The following ANKS1B variants were observed in gnomAD, a reference collection of about 807,000 sequenced individuals.
ANKS1B encodes ankyrin repeat and sterile alpha motif domain-containing protein 1B.
ANKS1B carries 36 observed loss-of-function variants against 148.3 expected under a neutral mutation model. The ratio of observed to expected loss-of-function variants is 0.24; its 90% CI spans 0.19 to 0.32. ANKS1B has a LOEUF of 0.32. Ranked by LOEUF, ANKS1B falls within the 10% of genes least tolerant of loss-of-function variation. The pLI is 1.00. For missense variants in ANKS1B, 1,157 were observed against 1,542.6 expected, an observed-to-expected ratio of 0.75 and a Z score of 4.19; for synonymous variants, 542 against 560.8, an observed-to-expected ratio of 0.97 and a Z score of 0.47.
intron 17 of ANKS1B, among the ~76,000 whole-genome samples, chr12:98,987,307 A>C (rs1034404888): frequency 6.6e-6 from 1 of 151,986 alleles, no homozygotes; most frequent in African/African-American, 2.4e-5. Context: ...TAAAATTTTA[A>C]CTTCCTTAAA....
intron 1 of ANKS1B, among the ~76,000 whole-genome samples, chr12:99,832,219 T>C (rs1390067630): frequency 2.0e-5 from 3 of 152,156 alleles, no homozygotes; most frequent in African/African-American, 7.2e-5. Flanking sequence ...CTTTTCAGGA[T>C]TGATATCTAT....
At chr12:99,485,557 A>G (rs1040515708) in intron 10 of ANKS1B, among the ~76,000 whole-genome samples, 1 of 152,142 alleles carries the variant, frequency 6.6e-6, no homozygotes, top group African/African-American at 2.4e-5. Context: ...TAGCTAGACC[A>G]GGGAAGTTTT....
At chr12:98,812,380 T>C (rs2099103765) in intron 19 of ANKS1B, among the ~76,000 whole-genome samples, 1 of 152,202 alleles carries the variant, frequency 6.6e-6, no homozygotes, top group African/African-American at 2.4e-5. Flanking sequence ...AGCCCAGCTG[T>C]GTGGCAGGTG....
intron 23 of ANKS1B, chr12:98,781,487 T>C: frequency 1.9e-6 from 1 of 529,458 alleles, no homozygotes; most frequent in Non-Finnish European, 3.6e-6. Context: ...GATGAAGGAG[T>C]ACTTCTTTTC....
intron 12 of ANKS1B, among the ~76,000 whole-genome samples, chr12:99,367,395 C>T (rs2092828068): frequency 6.6e-6 from 1 of 152,144 alleles, no homozygotes; most frequent in East Asian, 1.9e-4. Context: ...CACATCCAAA[C>T]ATTTGAAAGA....
In ANKS1B at chr12:99,670,813, C is replaced by T. The variant is rs567054469; in HGVS notation, c.1129-15603G>A. Among the ~76,000 whole-genome samples, 4 of 152,174 alleles carry T rather than the reference C, an allele frequency of 2.6e-5. No individual in the cohort carries two copies. The East Asian group carries it at 7.7e-4, about 29-fold the overall frequency. On this transcript the variant is annotated intron_variant, in intron 8 of 26. Coordinates refer to ENST00000683438, the MANE Select transcript of ANKS1B (RefSeq NM_001352186.2). The stretch of plus-strand genomic sequence containing the variant: ...GAGAAAAGGGGAGATGGGAATGAGG[C>T]ACAGAGTTTGCATGATTAAGGCAGT...
chr12:99,280,265 G>A (rs145376071), intron 12 of ANKS1B, among the ~76,000 whole-genome samples: 17 of 152,120 alleles, frequency 1.1e-4, no homozygotes, highest in South Asian at 4.2e-4. Context: ...CACTAACATC[G>A]AGGAATGCTA....
intron 9 of ANKS1B, among the ~76,000 whole-genome samples, chr12:99,612,279 A>C (rs2097909419): frequency 1.3e-5 from 2 of 152,132 alleles, no homozygotes; most frequent in African/African-American, 4.8e-5. Context: ...GTGTCACACA[A>C]AAGTGATCTA....
chr12:99,230,013 G>A (rs1207357111), intron 14 of ANKS1B, among the ~76,000 whole-genome samples: 1 of 91,468 alleles, frequency 1.1e-5, no homozygotes, highest in Non-Finnish European at 2.6e-5. Context: ...GAAAAGAAAA[G>A]AGAAGTCCAA....
At chr12:98,964,037 G>A (rs2099875701) in intron 17 of ANKS1B, among the ~76,000 whole-genome samples, 1 of 152,046 alleles carries the variant, frequency 6.6e-6, no homozygotes, top group Non-Finnish European at 1.5e-5. Flanking sequence ...GGTGGAGGTT[G>A]CGGTGAGTCG....
chr12:99,883,612 GGGGC>G (rs2092658394), intron 1 of ANKS1B, among the ~76,000 whole-genome samples: 3 of 128,662 alleles, frequency 2.3e-5, no homozygotes, highest in Non-Finnish European at 5.1e-5. Flanking sequence ...GCATAGACTT[GGGGC>G]AGGGGGGAAT....
At chr12:99,258,260 G>C (rs2075514052) in intron 12 of ANKS1B, among the ~76,000 whole-genome samples, 1 of 151,938 alleles carries the variant, frequency 6.6e-6, no homozygotes, top group Non-Finnish European at 1.5e-5. Context: ...AAATTATCCT[G>C]AGAATTGTAT....
Position 98,745,154 on chromosome 12 carries a change from G to GTGAT in ANKS1B, c.*581_*584dup. 1 of 985,672 alleles carries GTGAT rather than the reference G, an allele frequency of 1.0e-6. No homozygotes were observed. Among genetic ancestry groups the GTGAT allele is most frequent in the Non-Finnish European group, 1.2e-6 (1 of 829,888 alleles). The allele number at this position is 985,672 out of a possible 1,614,324, so 61.1% of individuals were successfully genotyped here. On this transcript the variant is annotated 3_prime_UTR_variant, in exon 27 of 27. Coordinates refer to ENST00000683438, the MANE Select transcript of ANKS1B (RefSeq NM_001352186.2). ...GAAAGGTTTTCTTTCTCTGACATAG[G>GTGAT]TGATTACATATAAAATCCACAAATA... is the stretch of plus-strand genomic sequence containing the variant.
At chr12:99,754,878 T>C (rs1041496240) in intron 8 of ANKS1B, among the ~76,000 whole-genome samples, 24 of 152,112 alleles carry the variant, frequency 1.6e-4, no homozygotes, top group African/African-American at 5.1e-4. Context: ...TAGCACTAAA[T>C]GCCCACGTCA....
At chr12:99,461,429 T>TAA (rs377620401) in intron 10 of ANKS1B, among the ~76,000 whole-genome samples, 5,756 of 150,702 alleles carry the variant, frequency 0.038, 385 homozygotes, top group African/African-American at 0.13. Context: ...CTATTAAAAT[T>TAA]AAAAAAAAAG....
intron 14 of ANKS1B, among the ~76,000 whole-genome samples, chr12:99,228,995 TTAAA>T (rs1208202011): frequency 1.3e-5 from 2 of 151,982 alleles, no homozygotes; most frequent in Non-Finnish European, 2.9e-5. Context: ...TACTTCTTTA[TTAAA>T]TAATTTAGAC....
intron 4 of ANKS1B, among the ~76,000 whole-genome samples, chr12:99,794,675 G>A (rs2066030241): frequency 6.6e-6 from 1 of 151,898 alleles, no homozygotes; most frequent in South Asian, 2.1e-4. Context: ...AGATAAAGAA[G>A]GGTGGTTACC....
chr12:99,214,953 CT>C (rs1409278873), intron 14 of ANKS1B, among the ~76,000 whole-genome samples: 1 of 152,204 alleles, frequency 6.6e-6, no homozygotes, highest in Admixed American at 6.5e-5. Flanking sequence ...CATTTTGCCC[CT>C]GTCCTAGAGA....
chr12:99,116,984 T>G (rs1412988533), intron 15 of ANKS1B, among the ~76,000 whole-genome samples: 1 of 152,360 alleles, frequency 6.6e-6, no homozygotes, highest in African/African-American at 2.4e-5. Context: ...AGTTCACTCA[T>G]GATTTGGCTC....
Sources: gnomAD v4.1 joint callset for allele counts (sites outside exome capture counted in the v4.1 genomes callset) on GRCh38, gnomAD v4.1.1 for gene constraint, MANE v1.5 for transcripts, NCBI Gene and HGNC (gene_info 2026-07-23, HGNC 2026-07-21) for gene names.